The following PCDHA3 variants were observed in gnomAD, a reference collection of about 807,000 sequenced individuals.
PCDHA3 encodes protocadherin alpha 3.
Under a neutral mutation model 62.2 loss-of-function variants are expected in PCDHA3, and 41 were observed. The ratio of observed to expected loss-of-function variants is 0.66; its 90% CI spans 0.51 to 0.86. The LOEUF is 0.86. PCDHA3 is among the 40% of genes least tolerant of loss of function. The probability of loss-of-function intolerance (pLI) is 0.00; values close to 1 mark genes in which losing one functional copy is unlikely to be tolerated. For missense variants in PCDHA3, 1,304 were observed against 1,241.2 expected (o/e 1.05, Z -0.76); for synonymous variants, 640 against 555.4 (o/e 1.15, Z -2.14).
Position 140,924,253 on chromosome 5 carries a change from A to T in PCDHA3, c.2395-54696A>T, listed in dbSNP as rs550218351. ...ATGGGCTGTTTTGCATCCTGGTGAGATCTAATGAGGTCTGTACTTGTGACT... is the reference window on the plus strand; with the variant it reads ...ATGGGCTGTTTTGCATCCTGGTGAGTTCTAATGAGGTCTGTACTTGTGACT... On this transcript the variant is annotated intron_variant, in intron 1 of 3. Coordinates refer to ENST00000522353, the MANE Select transcript of PCDHA3 (RefSeq NM_018906.3). Among the ~76,000 whole-genome samples, 68 of 152,330 alleles carry T rather than the reference A, an allele frequency of 4.5e-4. No homozygotes were observed. In the South Asian group the frequency reaches 0.013, roughly 29 times the overall value.
chr5:140,885,670 C>T (rs1351720729), intron 1 of PCDHA3, among the ~76,000 whole-genome samples: 2 of 152,138 alleles, frequency 1.3e-5, no homozygotes, highest in African/African-American at 4.8e-5. Flanking sequence ...TATGAGCACT[C>T]TTTCTATCTC....
At chr5:140,966,860 T>TTGC (rs148181752) in intron 1 of PCDHA3, 11 of 1,577,372 alleles carry the variant, frequency 7.0e-6, no homozygotes, top group Non-Finnish European at 9.4e-6. Flanking sequence ...CCTGCTGCTG[T>TTGC]TGCTGCTGCT....
At chr5:140,941,901 GA>G (rs782298792) in intron 1 of PCDHA3, among the ~76,000 whole-genome samples, 1 of 152,130 alleles carries the variant, frequency 6.6e-6, no homozygotes, top group African/African-American at 2.4e-5. Context: ...AAGTAACATT[GA>G]AATGCTTTTA....
rs190155701 is a variant in PCDHA3, at chr5:140,878,924, A to G, written c.2394+75333A>G. Among the ~76,000 whole-genome samples, 11 of 152,344 alleles carry G rather than the reference A, an allele frequency of 7.2e-5. No homozygotes were observed. The East Asian group carries it at 2.1e-3, about 29-fold the overall frequency. ...GCTCCACCACTCCCAGCTTCAATCA[A>G]TAATTTTAAATAAATATATGGTATT... On this transcript the variant is annotated intron_variant, in intron 1 of 3. Transcript: ENST00000522353.
chr5:141,002,673 C>T (rs2098090242), intron 3 of PCDHA3, among the ~76,000 whole-genome samples: 3 of 152,180 alleles, frequency 2.0e-5, no homozygotes, highest in Admixed American at 2.0e-4. Context: ...GGACCAAAAC[C>T]TATACGACGT....
chr5:140,884,935 A>G lies in PCDHA3; in HGVS notation c.2394+81344A>G, dbSNP rs577267570. ...AATAGTTCTAAGTATTTATCTTGCA[A>G]TTGAGCATTTACAAAAAATTCCTCA... On this transcript the variant is annotated intron_variant, in intron 1 of 3. Coordinates refer to ENST00000522353, the MANE Select transcript of PCDHA3 (RefSeq NM_018906.3). Among the ~76,000 whole-genome samples, 4 of 152,344 alleles carry G rather than the reference A, an allele frequency of 2.6e-5. No homozygotes were observed. In the East Asian group the frequency reaches 5.8e-4, roughly 22 times the overall value.
At chr5:140,928,739 G>A in intron 1 of PCDHA3, 1 of 1,614,148 alleles carries the variant, frequency 6.2e-7, no homozygotes, top group African/African-American at 1.3e-5. Flanking sequence ...GCCAATATAG[G>A]TGAGCTCCGT....
At chr5:140,843,775 A>T (rs2150366589) in intron 1 of PCDHA3, 2 of 1,450,698 alleles carry the variant, frequency 1.4e-6, no homozygotes, top group East Asian at 4.6e-5. Context: ...AGTTACTTTA[A>T]AAGTGTTTCA....
intron 1 of PCDHA3, chr5:140,849,880 T>G (rs2150456156): frequency 3.1e-6 from 5 of 1,598,328 alleles, no homozygotes; most frequent in Non-Finnish European, 4.3e-6. Context: ...GAGTACACGG[T>G]GTTCGTGAAG....
Position 140,841,614 on chromosome 5 carries a change from G to A in PCDHA3, c.2394+38023G>A, listed in dbSNP as rs144868773. On this transcript the variant is annotated intron_variant, in intron 1 of 3. Transcript: ENST00000522353. The stretch of plus-strand genomic sequence containing the variant: ...ATCGACCGCGAGGAGCTGTGCGGGC[G>A]GAGCGCGGAGTGCAGCATCCACCTG... 3,076 of 1,614,122 alleles carry A rather than the reference G, an allele frequency of 1.9e-3. 76 individuals carry two copies. The African/African-American group carries it at 0.036, about 19-fold the overall frequency.
chr5:140,867,025 C>G lies in PCDHA3; in HGVS notation c.2394+63434C>G, dbSNP rs560327933. 2.6e-5 allele frequency: 4 copies of G among 152,270 alleles called. No homozygotes were observed. The East Asian group carries it at 7.7e-4, about 29-fold the overall frequency. The allele number at this position is 152,270 out of a possible 1,614,324, so 9.4% of individuals were successfully genotyped here. Reference sequence around the variant, plus strand: ...TCATTGATTCATACACTATATCAAACTCTTTTATGACTTGGCGTTTGTTCA... The same window carrying G: ...TCATTGATTCATACACTATATCAAAGTCTTTTATGACTTGGCGTTTGTTCA... On this transcript the variant is annotated intron_variant, in intron 1 of 3. Transcript: ENST00000522353.
intron 1 of PCDHA3, chr5:140,863,012 G>T (rs1562573828): frequency 1.8e-6 from 1 of 552,298 alleles, no homozygotes; most frequent in Non-Finnish European, 3.6e-6. Context: ...CAGCTATGAC[G>T]CCTGGTTGTC....
intron 3 of PCDHA3, among the ~76,000 whole-genome samples, chr5:140,993,088 CTA>C (rs1420227988): frequency 6.6e-6 from 1 of 152,202 alleles, no homozygotes; most frequent in Non-Finnish European, 1.5e-5. Flanking sequence ...ATCAGCAGGG[CTA>C]TGTTTATTCA....
chr5:140,955,452 G>A (rs921510611), intron 1 of PCDHA3, among the ~76,000 whole-genome samples: 1 of 152,024 alleles, frequency 6.6e-6, no homozygotes, highest in African/African-American at 2.4e-5. Flanking sequence ...TTTTATAAGG[G>A]CTTTTTCCTT....
intron 1 of PCDHA3, among the ~76,000 whole-genome samples, chr5:140,896,646 G>C (rs1330006792): frequency 6.6e-6 from 1 of 152,078 alleles, no homozygotes; most frequent in Non-Finnish European, 1.5e-5. Flanking sequence ...CAAAGTGCTA[G>C]TATTACAGGC....
chr5:140,964,585 T>C (rs1275209289), intron 1 of PCDHA3, among the ~76,000 whole-genome samples: 1 of 151,992 alleles, frequency 6.6e-6, no homozygotes, highest in Non-Finnish European at 1.5e-5. Flanking sequence ...GGAGGAAAGA[T>C]CACTTTTCAT....
chr5:140,873,453 A>G (rs1454430298), intron 1 of PCDHA3, among the ~76,000 whole-genome samples: 2 of 152,180 alleles, frequency 1.3e-5, no homozygotes, highest in Non-Finnish European at 2.9e-5. Context: ...ACAAATTTGC[A>G]TTTTAGATAA....
intron 1 of PCDHA3, chr5:140,841,519 G>A: frequency 6.2e-7 from 1 of 1,613,590 alleles, no homozygotes; most frequent in Non-Finnish European, 8.5e-7. Flanking sequence ...TGTTCCGGGT[G>A]GCGTCCAAAA....
chr5:140,854,113 G>A (rs2042980116), intron 1 of PCDHA3: 1 of 316,648 alleles, frequency 3.2e-6, no homozygotes, highest in African/African-American at 2.4e-5. Flanking sequence ...AGTGAACTGT[G>A]ATGGCACAAC....
Sources: allele counts gnomAD v4.1 joint callset (sites outside exome capture counted in the v4.1 genomes callset), GRCh38; gene constraint gnomAD v4.1.1; transcripts MANE v1.5; gene names NCBI Gene and HGNC (gene_info 2026-07-23, HGNC 2026-07-21).